Variants in CR1L observed in about 807,000 individuals in gnomAD.
CR1L encodes complement C3b/C4b receptor 1 like.
Under a neutral mutation model 62.3 loss-of-function variants are expected in CR1L, and 59 were observed. The ratio of observed to expected loss-of-function variants is 0.95; its 90% confidence interval spans 0.77 to 1.18. The LOEUF (loss-of-function observed/expected upper bound fraction) is 1.18, where lower values mean the gene tolerates loss of function less well. Ranked by LOEUF, CR1L falls within the 50% of genes most tolerant of loss-of-function variation. CR1L has a pLI of 0.00. For synonymous variants in CR1L, 279 were observed against 248.7 expected (o/e 1.12, Z -1.15); for missense variants, 700 against 702.8 (o/e 1.00, Z 0.04).
At chr1:207,662,919 C>A (rs1237858129) in intron 1 of CR1L, among the ~76,000 whole-genome samples, 1 of 152,190 alleles carries the variant, frequency 6.6e-6, no homozygotes, top group East Asian at 1.9e-4. Context: ...CCACTCTAGA[C>A]CCTGTTTGCC....
intron 3 of CR1L, among the ~76,000 whole-genome samples, chr1:207,683,081 T>C (rs1663831013): frequency 6.6e-6 from 1 of 150,550 alleles, no homozygotes; most frequent in Non-Finnish European, 1.5e-5. Context: ...TCTTTCTTTC[T>C]TTCTCTCTTT....
At chr1:207,669,604 C>CG in intron 1 of CR1L, 2 of 1,256,200 alleles carry the variant, frequency 1.6e-6, no homozygotes, top group South Asian at 2.5e-5. Context: ...CCCGGGCTGA[C>CG]GAGGCACCCA....
At chr1:207,679,893 A>G (rs1457350271) in intron 3 of CR1L, among the ~76,000 whole-genome samples, 2 of 152,222 alleles carry the variant, frequency 1.3e-5, no homozygotes, top group African/African-American at 4.8e-5. Context: ...ACTATACACC[A>G]TTCTGGAAAA....
At chr1:207,664,116 T>A (rs1247983989) in intron 1 of CR1L, among the ~76,000 whole-genome samples, 2 of 152,248 alleles carry the variant, frequency 1.3e-5, no homozygotes, top group Non-Finnish European at 2.9e-5. Context: ...GCAGCTGTGC[T>A]TATGACTGGA....
chr1:207,676,906 T>G (rs558604329), intron 1 of CR1L, among the ~76,000 whole-genome samples: 27 of 150,914 alleles, frequency 1.8e-4, no homozygotes, highest in Admixed American at 6.0e-4. Context: ...CCCACCCACC[T>G]TGGTCTCCCA....
intron 3 of CR1L, among the ~76,000 whole-genome samples, chr1:207,682,287 C>T (rs1430448277): frequency 6.6e-6 from 1 of 152,008 alleles, no homozygotes; most frequent in African/African-American, 2.4e-5. Flanking sequence ...CCCTAGTCAA[C>T]ATGATGAAAC....
intron 10 of CR1L, chr1:207,710,876 T>C (rs1360651287): frequency 6.3e-6 from 8 of 1,263,606 alleles, no homozygotes; most frequent in Admixed American, 3.8e-5. Flanking sequence ...GAGGGATGTA[T>C]GTTGAGGAGG....
At chr1:207,681,108 T>A (rs529346523) in intron 3 of CR1L, among the ~76,000 whole-genome samples, 1 of 152,360 alleles carries the variant, frequency 6.6e-6, no homozygotes, top group East Asian at 1.9e-4. Context: ...ATTTGTTTTT[T>A]ATTCTCATTT....
At chr1:207,717,327 T>G (rs577348918) in intron 10 of CR1L, 137 bp from the exon 11 acceptor site, 2 of 1,031,330 alleles carry the variant, frequency 1.9e-6, no homozygotes, top group South Asian at 3.6e-5. Flanking sequence ...CCTTACAGAT[T>G]TAAATTCCAT....
At position 207,693,384 on chromosome 1, in the gene CR1L, C is replaced by T. The variant is rs1664025317; in HGVS notation, c.464-969C>T. On this transcript the variant is annotated intron_variant, in intron 4 of 11. Transcript: ENST00000508064. ...CTGCCCACCTGGGCCACCCAAAGTG[C>T]TAAGATTACAGGCATGAGCCACCAC... Among the ~76,000 whole-genome samples, 3 of 152,228 alleles carry T rather than the reference C, an allele frequency of 2.0e-5. No individual in the cohort carries two copies. The South Asian group carries it at 6.2e-4, about 31-fold the overall frequency.
Position 207,710,636 on chromosome 1 carries a change from T to C in CR1L, c.1414+2373T>C, listed in dbSNP as rs1344194236. 8 of 1,609,926 alleles carry C rather than the reference T, an allele frequency of 5.0e-6. No individual in the cohort carries two copies. The Admixed American group carries it at 5.0e-5, about 10-fold the overall frequency. ...ACCTCCAAATGTGGAAAATGGAATA[T>C]TGGTGTCTGACAACAGAAGCTTATT... On this transcript the variant is annotated intron_variant, in intron 10 of 11. Coordinates refer to ENST00000508064, the MANE Select transcript of CR1L (RefSeq NM_175710.2).
chr1:207,650,051 G>T (rs760206657), intron 1 of CR1L, among the ~76,000 whole-genome samples: 5 of 152,028 alleles, frequency 3.3e-5, no homozygotes, highest in African/African-American at 4.8e-5. Context: ...GTCAAAAGTG[G>T]CTCTTGGGCC....
At chr1:207,693,382 T>C (rs1372106497) in intron 4 of CR1L, among the ~76,000 whole-genome samples, 1 of 152,224 alleles carries the variant, frequency 6.6e-6, no homozygotes, top group African/African-American at 2.4e-5. Flanking sequence ...CCACCCAAAG[T>C]GCTAAGATTA....
chr1:207,669,381 C>G, intron 1 of CR1L: 3 of 1,055,272 alleles, frequency 2.8e-6, no homozygotes, highest in Middle Eastern at 5.6e-4. Flanking sequence ...CTTTGCACTG[C>G]GCTTTTCCTC....
chr1:207,675,948 G>A (rs1304560514), intron 1 of CR1L, among the ~76,000 whole-genome samples: 5 of 152,174 alleles, frequency 3.3e-5, no homozygotes, highest in African/African-American at 7.2e-5. Flanking sequence ...CAAGATTGAC[G>A]TGGCGACAGA....
intron 4 of CR1L, among the ~76,000 whole-genome samples, chr1:207,685,610 C>T (rs1303720148): frequency 6.6e-6 from 1 of 152,204 alleles, no homozygotes; most frequent in Non-Finnish European, 1.5e-5. Context: ...TGGACTCTGT[C>T]ACCCTGAGCT....
At chr1:207,701,420 G>A (rs1177594966) in intron 8 of CR1L, 99 bp from the exon 9 acceptor site, 6 of 1,456,342 alleles carry the variant, frequency 4.1e-6, no homozygotes, top group Non-Finnish European at 5.7e-6. Context: ...TATCAGAACT[G>A]CGTGTTTTCT....
chr1:207,697,874 G>A lies in CR1L; in HGVS notation c.1142+1G>A. The A allele has an allele frequency of 6.2e-7, 1 of 1,613,864 alleles. No homozygotes were observed. Among genetic ancestry groups the A allele is most frequent in the East Asian group, 2.2e-5 (1 of 44,882 alleles). Reference sequence around the variant, plus strand: ...AAGTGGATTTTGTTTGTGATGAAGGGTGAGTATGAGCTTGCCTGACCTGCT... The same window carrying A: ...AAGTGGATTTTGTTTGTGATGAAGGATGAGTATGAGCTTGCCTGACCTGCT... On this transcript the variant is annotated splice_donor_variant, in intron 7 of 11. Coordinates refer to ENST00000508064, the MANE Select transcript of CR1L (RefSeq NM_175710.2). LOFTEE classifies it high-confidence loss of function.
chr1:207,698,352 G>A (rs1424354225), intron 7 of CR1L, among the ~76,000 whole-genome samples: 6 of 152,102 alleles, frequency 3.9e-5, no homozygotes, highest in Admixed American at 3.9e-4. Context: ...GTAAAAATCA[G>A]CATTTTAAAA....
Sources: allele counts gnomAD v4.1 joint callset (sites outside exome capture counted in the v4.1 genomes callset), GRCh38; gene constraint gnomAD v4.1.1; transcripts MANE v1.5; gene names NCBI Gene and HGNC (gene_info 2026-07-23, HGNC 2026-07-21).